The following MEAK7 variants were observed in gnomAD, a reference collection of about 807,000 sequenced individuals.
MEAK7 encodes MTOR-associated protein MEAK7.
Under a neutral mutation model 40.5 loss-of-function variants are expected in MEAK7, and 68 were observed. The ratio of observed to expected loss-of-function variants is 1.68; its 90% CI spans 1.38 to 2.06. The LOEUF (loss-of-function observed/expected upper bound fraction) is 2.06, where lower values mean the gene tolerates loss of function less well. MEAK7 is among the 30% of genes most tolerant of loss of function. The pLI, the probability that MEAK7 is intolerant of heterozygous loss-of-function variation, is 0.00. For synonymous variants in MEAK7, 338 were observed against 231.9 expected (o/e 1.46, Z -4.16); for missense variants, 918 against 580.5 (o/e 1.58, Z -5.98).
At chr16:84,503,447 C>G (rs543967393) in intron 1 of MEAK7, among the ~76,000 whole-genome samples, 1 of 152,200 alleles carries the variant, frequency 6.6e-6, no homozygotes, top group Non-Finnish European at 1.5e-5. Flanking sequence ...TGGCTTCCCA[C>G]TTGCCCATGC....
chr16:84,481,993 G>A (rs768571120), intron 6 of MEAK7, among the ~76,000 whole-genome samples: 3 of 152,142 alleles, frequency 2.0e-5, no homozygotes, highest in East Asian at 1.9e-4. Flanking sequence ...AAATCAGCAG[G>A]GGAGCTGGCA....
At position 84,478,014 on chromosome 16, in the gene MEAK7, A is replaced by T. The variant is rs1912192663; in HGVS notation, c.*1899T>A. Reference sequence around the variant, plus strand: ...GCGGCCTGGGCAGAAGCAGCAATCAATGGTCACCAAGGCACAGACACTGAC... The same window carrying T: ...GCGGCCTGGGCAGAAGCAGCAATCATTGGTCACCAAGGCACAGACACTGAC... On this transcript the variant is annotated 3_prime_UTR_variant, in exon 8 of 8. Coordinates refer to ENST00000343629, the MANE Select transcript of MEAK7 (RefSeq NM_020947.4). 6.6e-6 allele frequency: 1 copy of T among 151,880 alleles called. No homozygotes were observed. The allele number at this position is 151,880 out of a possible 1,614,324, so 9.4% of individuals were successfully genotyped here. A position where few individuals can be genotyped will look rare whatever the true frequency, so the allele number is the denominator to read the frequency against.
chr16:84,497,591 G>GT (rs1567504286), intron 2 of MEAK7: 1 of 1,313,450 alleles, frequency 7.6e-7, no homozygotes, highest in Non-Finnish European at 9.9e-7. Flanking sequence ...TTCATCTCAA[G>GT]TTAGAAATGT....
chr16:84,501,093 CAAAAAAAAAAAGAAAAAAAAA>C lies in MEAK7; in HGVS notation c.-25-3003_-25-2983del, dbSNP rs1197191610. Among the ~76,000 whole-genome samples, 60 of 27,840 alleles carry C rather than the reference CAAAAAAAAAAAGAAAAAAAAA, an allele frequency of 2.2e-3. 1 individual carries two copies. The South Asian group carries it at 0.025, about 11-fold the overall frequency. 18.3% of individuals were successfully genotyped at this position (27,840 alleles called of 152,430 possible). ...CTGGGCAACAGAGTTAGACTCGTCTCAAAAAAAAAAAGAAAAAAAAAAAAAAAAAAAAGAGGGGAAACAGAG... is the reference window on the plus strand; with the variant it reads ...CTGGGCAACAGAGTTAGACTCGTCTCAAAAAAAAAAAGAGGGGAAACAGAG... On this transcript the variant is annotated intron_variant, in intron 1 of 7. Transcript: ENST00000343629.
chr16:84,485,800 G>C (rs1912999626), intron 5 of MEAK7, among the ~76,000 whole-genome samples: 1 of 152,170 alleles, frequency 6.6e-6, no homozygotes, highest in Non-Finnish European at 1.5e-5. Flanking sequence ...TCATGCCTCA[G>C]CCTCCCACGT....
intron 3 of MEAK7, among the ~76,000 whole-genome samples, chr16:84,490,526 T>C (rs892125156): frequency 2.0e-5 from 3 of 150,630 alleles, no homozygotes; most frequent in East Asian, 3.9e-4. Context: ...CCTTTCTGGT[T>C]TGATATTTGT....
chr16:84,504,084 C>T, intron 1 of MEAK7: 5 of 985,568 alleles, frequency 5.1e-6, no homozygotes, highest in Non-Finnish European at 6.0e-6. Flanking sequence ...TCCTGTGGGC[C>T]AGAAGGTGAC....
chr16:84,487,177 A>T (rs1171628577), intron 4 of MEAK7, 118 bp from the exon 5 acceptor site: 9 of 946,048 alleles, frequency 9.5e-6, no homozygotes, highest in Non-Finnish European at 1.4e-5. Flanking sequence ...GAGCACAGAA[A>T]ACAGGGCTCG....
intron 3 of MEAK7, chr16:84,494,836 A>C (rs1191660224): frequency 2.2e-6 from 1 of 455,062 alleles, no homozygotes; most frequent in East Asian, 6.9e-5. Flanking sequence ...AAGATTTCTG[A>C]AAGACAAAGC....
rs1290246419 is a variant in MEAK7 at position 84,497,765 on chromosome 16, T to C, written c.153+169A>G. 7 of 1,309,386 alleles carry C rather than the reference T, an allele frequency of 5.3e-6. No individual in the cohort carries two copies. The East Asian group carries it at 9.9e-5, about 18-fold the overall frequency. 81.1% of individuals were successfully genotyped at this position (1,309,386 alleles called of 1,614,324 possible). A position where few individuals can be genotyped will look rare whatever the true frequency, so the allele number is the denominator to read the frequency against. ...CAGAGGAGCTACAACAGAGACCGCA[T>C]AGCTCACAAAGCCAAAACTAGGTCA... On this transcript the variant is annotated intron_variant, in intron 2 of 7. Coordinates refer to ENST00000343629, the MANE Select transcript of MEAK7 (RefSeq NM_020947.4).
chr16:84,501,044 G>C lies in MEAK7; in HGVS notation c.-25-2933C>G, dbSNP rs1033863041. Among the ~76,000 whole-genome samples, 4 of 141,946 alleles carry C rather than the reference G, an allele frequency of 2.8e-5. No individual in the cohort carries two copies. The Admixed American group carries it at 3.0e-4, about 11-fold the overall frequency. 93.1% of individuals were successfully genotyped at this position (141,946 alleles called of 152,430 possible). A position where few individuals can be genotyped will look rare whatever the true frequency, so the allele number is the denominator to read the frequency against. ...CGGACAGCGGAAGTCGCAGTGAGCCGAGACCACGCCACTACACTCCAGCCT... is the reference window on the plus strand; with the variant it reads ...CGGACAGCGGAAGTCGCAGTGAGCCCAGACCACGCCACTACACTCCAGCCT... On this transcript the variant is annotated intron_variant, in intron 1 of 7. Coordinates refer to ENST00000343629, the MANE Select transcript of MEAK7 (RefSeq NM_020947.4).
At chr16:84,501,105 G>GAAAAAAAAAAAAAAAAAAAAAGA (rs35447624) in intron 1 of MEAK7, among the ~76,000 whole-genome samples, 1 of 103,638 alleles carries the variant, frequency 9.6e-6, no homozygotes. Context: ...AAAAAAAAAA[G>GAAAAAAAAAAAAAAAAAAAAAGA]AAAAAAAAAA....
rs62048758 is a variant in MEAK7, at chr16:84,488,435, T to C, written c.529+843A>G. The C allele has an allele frequency of 6.6e-5, 10 of 150,722 alleles. No homozygotes were observed. The South Asian group carries it at 2.1e-3, about 32-fold the overall frequency. 9.3% of individuals were successfully genotyped at this position (150,722 alleles called of 1,614,324 possible). On this transcript the variant is annotated intron_variant, in intron 4 of 7. Transcript: ENST00000343629. ...TGATTTGCCACAAGGTTTTTTTTTT[T>C]AATCCCAATTAAATTTAAATATATA...
chr16:84,501,189 AG>A (rs1199477216), intron 1 of MEAK7, among the ~76,000 whole-genome samples: 95 of 152,004 alleles, frequency 6.2e-4, no homozygotes, highest in African/African-American at 2.2e-3. Flanking sequence ...AGAAGAGTGA[AG>A]AGTGGAAAAG....
chr16:84,486,347 G>T, intron 5 of MEAK7: 3 of 819,074 alleles, frequency 3.7e-6, no homozygotes, highest in Non-Finnish European at 4.9e-6. Flanking sequence ...CCCCTCGGAG[G>T]CATCTGTGGC....
chr16:84,490,485 A>C (rs1913489869), intron 3 of MEAK7, among the ~76,000 whole-genome samples: 2 of 114,288 alleles, frequency 1.7e-5, no homozygotes, highest in South Asian at 3.1e-4. Flanking sequence ...TTTTTACCTC[A>C]ACAGCCTGAG....
intron 3 of MEAK7, among the ~76,000 whole-genome samples, chr16:84,493,022 A>G (rs1913752511): frequency 6.6e-6 from 1 of 152,234 alleles, no homozygotes; most frequent in South Asian, 2.1e-4. Context: ...ACTTGGTATA[A>G]TACAATCATA....
In MEAK7 at chr16:84,482,608, G is replaced by T. The variant is rs140439420; in HGVS notation, c.1061C>A (p.Thr354Lys). Reference protein sequence around the residue: ...HYMYLNHGQQTIPNGLGMGGQ... With the variant: ...HYMYLNHGQQKIPNGLGMGGQ... Reference sequence around the variant, plus strand: ...CGGGCTCACCAGTCCGTTCGGGATCGTCTGCTGTCCATGGTTCAAGTACAT... The same window carrying T: ...CGGGCTCACCAGTCCGTTCGGGATCTTCTGCTGTCCATGGTTCAAGTACAT... Residue 354 changes from threonine (T) to lysine (K), a missense_variant, in exon 6 of 8, where the codon ACG becomes AAG. Physicochemically the swap from Thr to Lys is moderately conservative, Grantham distance 78 (BLOSUM62 -1). Coordinates refer to ENST00000343629, the MANE Select transcript of MEAK7 (RefSeq NM_020947.4). The T allele has an allele frequency of 6.2e-7, 1 of 1,614,112 alleles. No homozygotes were observed. The highest frequency in any genetic ancestry group is 1.3e-5 in the African/African-American group (1 of 74,942).
intron 6 of MEAK7, among the ~76,000 whole-genome samples, chr16:84,482,170 AC>A (rs2150624327): frequency 2.0e-5 from 3 of 151,954 alleles, no homozygotes; most frequent in Admixed American, 2.0e-4. Flanking sequence ...AGCCACGGTC[AC>A]CCCAACTGGG....
Sources: allele counts gnomAD v4.1 joint callset (sites outside exome capture counted in the v4.1 genomes callset), GRCh38; gene constraint gnomAD v4.1.1; transcripts MANE v1.5; gene names NCBI Gene and HGNC (gene_info 2026-07-23, HGNC 2026-07-21).